Variants in GTF3A observed in about 807,000 individuals in gnomAD.
GTF3A encodes the protein general transcription factor IIIA.
Under a neutral mutation model 37.6 loss-of-function variants are expected in GTF3A, and 40 were observed. The observed-to-expected ratio is 1.06, with a 90% CI of 0.83 to 1.38. The LOEUF (loss-of-function observed/expected upper bound fraction) is 1.38. Ranked by LOEUF, GTF3A falls within the 40% of genes most tolerant of loss-of-function variation. The pLI is 0.00. For synonymous variants in GTF3A, 191 were observed against 166.7 expected (o/e 1.15, Z -1.12); for missense variants, 500 against 462.6 (o/e 1.08, Z -0.74).
chr13:27,425,224 G>T, intron 1 of GTF3A: 1 of 398,670 alleles, frequency 2.5e-6, no homozygotes. Flanking sequence ...AGGTTTGAGG[G>T]GGCCCACCGC....
chr13:27,434,634 T>C lies in GTF3A; in HGVS notation c.644-171T>C, dbSNP rs1953692039. ...GTGGCATTTAAGAACTTCAGAGAAT[T>C]GAGACAAACTTCCTAGGTGATAAAA... On this transcript the variant is annotated intron_variant, in intron 6 of 8. Transcript: ENST00000381140. The C allele has an allele frequency of 1.2e-5, 7 of 583,828 alleles. No individual in the cohort carries two copies. In the South Asian group the frequency reaches 1.6e-4, roughly 13 times the overall value. 36.2% of individuals were successfully genotyped at this position (583,828 alleles called of 1,614,324 possible).
In GTF3A at chr13:27,426,990, T is replaced by C. The variant is rs1953609986; in HGVS notation, c.202-102T>C. On this transcript the variant is annotated intron_variant, in intron 1 of 8. Coordinates refer to ENST00000381140, the MANE Select transcript of GTF3A (RefSeq NM_002097.3). ...GCTCTGAGTAGAAACCACCTCTTCA[T>C]AGGAAGCCTGTGGCCTTAACACTAG... The C allele has an allele frequency of 1.5e-5, 10 of 669,680 alleles. No individual in the cohort carries two copies. In the South Asian group the frequency reaches 1.7e-4, roughly 11 times the overall value. The allele number at this position is 669,680 out of a possible 1,614,324, so 41.5% of individuals were successfully genotyped here. A position where few individuals can be genotyped will look rare whatever the true frequency, so the allele number is the denominator to read the frequency against.
rs1285196417 is a variant in GTF3A at position 27,435,471 on chromosome 13, T to C, written c.972T>C (p.His324=). 1.9e-6 allele frequency: 3 copies of C among 1,613,446 alleles called. No homozygotes were observed. The highest frequency in any genetic ancestry group is 2.5e-6 in the Non-Finnish European group (3 of 1,179,602). Residue 324 remains histidine (H), a synonymous_variant, in exon 9 of 9, where the codon CAT becomes CAC. Coordinates refer to ENST00000381140, the MANE Select transcript of GTF3A (RefSeq NM_002097.3). The stretch of plus-strand genomic sequence containing the variant: ...GTGAAAAACGGAGTTTGGCCTCTCA[T>C]CTCAGTGGATATATCCCTCCCAAAA...
Position 27,429,863 on chromosome 13 carries a change from CTTA to C in GTF3A, c.303-6_303-4del. On this transcript the variant is annotated splice_polypyrimidine_tract_variant and splice_region_variant and intron_variant, in intron 2 of 8. Transcript: ENST00000381140. ...ATTAATATTTTGGTTTATATAACTT[CTTA>C]CAGTTGTGCAGCCAATGGCTGTGAT... 2 of 1,493,286 alleles carry C rather than the reference CTTA, an allele frequency of 1.3e-6. No individual in the cohort carries two copies. The highest frequency in any genetic ancestry group is 1.8e-6 in the Non-Finnish European group (2 of 1,116,782). 92.5% of individuals were successfully genotyped at this position (1,493,286 alleles called of 1,614,324 possible).
intron 4 of GTF3A, among the ~76,000 whole-genome samples, chr13:27,431,581 A>C (rs1953656846): frequency 6.7e-6 from 1 of 149,422 alleles, no homozygotes; most frequent in Non-Finnish European, 1.5e-5. Context: ...GCACTAAACT[A>C]TGAGGACAAA....
At chr13:27,429,460 C>T (rs1953638839) in intron 2 of GTF3A, 3 of 153,582 alleles carry the variant, frequency 2.0e-5, no homozygotes, top group African/African-American at 7.2e-5. Flanking sequence ...TAAGCCAAGA[C>T]AAGTTTTATG....
At chr13:27,430,138 C>A (rs979392587) in intron 3 of GTF3A, among the ~76,000 whole-genome samples, 172 bp downstream of exon 3, 17 of 143,098 alleles carry the variant, frequency 1.2e-4, no homozygotes, top group Admixed American at 4.8e-4. Flanking sequence ...AAAAAAAAAA[C>A]AAAAACAGAA....
chr13:27,432,273 G>GT (rs750692862), intron 4 of GTF3A, among the ~76,000 whole-genome samples: 1 of 152,152 alleles, frequency 6.6e-6, no homozygotes, highest in Non-Finnish European at 1.5e-5. Context: ...TGCTGCTGAT[G>GT]GCTTTAGCAC....
intron 8 of GTF3A, 52 bp downstream of exon 8, chr13:27,435,244 G>C (rs1953701322): frequency 6.8e-7 from 1 of 1,464,668 alleles, no homozygotes; most frequent in Admixed American, 2.0e-5. Context: ...AATTGTTTAA[G>C]GCCAGAAGGA....
chr13:27,434,590 G>A, intron 6 of GTF3A: 1 of 570,218 alleles, frequency 1.8e-6, no homozygotes, highest in Non-Finnish European at 3.1e-6. Flanking sequence ...CTGCCTCTTG[G>A]CAAGTGAACA....
rs35654423 is a variant in GTF3A, at chr13:27,433,209, C to CAA, written c.562+420_562+421dup. Among the ~76,000 whole-genome samples the CAA allele has an allele frequency of 3.5e-3, 461 of 130,700 alleles. 1 individual carries two copies. Among genetic ancestry groups the CAA allele is most frequent in the Middle Eastern group, 0.012 (3 of 252 alleles). 85.7% of individuals were successfully genotyped at this position (130,700 alleles called of 152,430 possible). A position where few individuals can be genotyped will look rare whatever the true frequency, so the allele number is the denominator to read the frequency against. ...GAGAGCCATCAGATGTTACGTTTCT[C>CAA]AAAAAAAAAAAAAAAAGACTTGATT... On this transcript the variant is annotated intron_variant, in intron 5 of 8. Coordinates refer to ENST00000381140, the MANE Select transcript of GTF3A (RefSeq NM_002097.3).
chr13:27,434,535 C>A, intron 6 of GTF3A: 1 of 414,916 alleles, frequency 2.4e-6, no homozygotes, highest in Non-Finnish European at 4.4e-6. Context: ...GGACACTGGT[C>A]TGCTTCATTT....
In GTF3A at chr13:27,424,741, G is replaced by A; in HGVS notation, c.4G>A (p.Asp2Asn). The A allele has an allele frequency of 1.4e-6, 2 of 1,463,816 alleles. No homozygotes were observed. Among genetic ancestry groups the A allele is most frequent in the South Asian group, 1.4e-5 (1 of 73,322 alleles). The allele number at this position is 1,463,816 out of a possible 1,614,324, so 90.7% of individuals were successfully genotyped here. A position where few individuals can be genotyped will look rare whatever the true frequency, so the allele number is the denominator to read the frequency against. ...TGGGCTTGGAGGCGCCGGCGCCCTG[G>A]ATCCGCCGGCCGTGGTCGCCGAGTC... Residue 2 changes from aspartate to asparagine, a missense_variant, in exon 1 of 9, where the codon GAT becomes AAT. Asp to Asn is a conservative substitution (Grantham distance 23, BLOSUM62 1). Coordinates refer to ENST00000381140, the MANE Select transcript of GTF3A (RefSeq NM_002097.3).
chr13:27,435,569 C>G lies in GTF3A; in HGVS notation c.1070C>G (p.Ser357Trp), dbSNP rs754577548. 1 of 1,613,426 alleles carries G rather than the reference C, an allele frequency of 6.2e-7. No homozygotes were observed. The highest frequency in any genetic ancestry group is 2.2e-5 in the East Asian group (1 of 44,888). ...AACTGTGTGGAAGACAAGATGCTCT[C>G]GACAGTTGCAGTACTTACCCTTGGC... The change falls in exon 9 of 9, where the codon TCG becomes TGG. Residue 357 changes from serine (S) to tryptophan (W), a missense_variant. Coordinates refer to ENST00000381140, the MANE Select transcript of GTF3A (RefSeq NM_002097.3).
chr13:27,434,209 A>C lies in GTF3A; in HGVS notation c.633A>C (p.Glu211Asp). Residue 211 changes from glutamate to aspartate, a missense_variant, in exon 6 of 9, where the codon GAA (glutamate) becomes GAC (aspartate). Glu to Asp is a conservative substitution (Grantham distance 45). Transcript: ENST00000381140. ...CGGAACTTCTGAAACATGTGAGAGA[A>C]ACCCATAAAGGTAAGGCAGGCATGA... The C allele has an allele frequency of 7.8e-7, 1 of 1,277,300 alleles. No homozygotes were observed. The highest frequency in any genetic ancestry group is 1.1e-6 in the Non-Finnish European group (1 of 872,314). 79.1% of individuals were successfully genotyped at this position (1,277,300 alleles called of 1,614,324 possible).
rs1422324158 is a variant in GTF3A at position 27,435,711 on chromosome 13, A to ATGGTCTT, written c.*117_*123dup. On this transcript the variant is annotated 3_prime_UTR_variant, in exon 9 of 9. Coordinates refer to ENST00000381140, the MANE Select transcript of GTF3A (RefSeq NM_002097.3). Reference sequence around the variant, plus strand: ...GAACATTTGATTCCTTATCATTTCCATGGTCTTTGTTCAAAGTGTCTCTTT... The same window carrying ATGGTCTT: ...GAACATTTGATTCCTTATCATTTCCATGGTCTTTGGTCTTTGTTCAAAGTGTCTCTTT... 7.4e-6 allele frequency: 12 copies of ATGGTCTT among 1,613,988 alleles called. No individual in the cohort carries two copies. The highest frequency in any genetic ancestry group is 1.0e-5 in the Non-Finnish European group (12 of 1,180,002).
At chr13:27,427,484 A>G (rs1953615846) in intron 2 of GTF3A, among the ~76,000 whole-genome samples, 1 of 152,144 alleles carries the variant, frequency 6.6e-6, no homozygotes, top group African/African-American at 2.4e-5. Flanking sequence ...GGCTGAGCTA[A>G]CATAAAATGC....
rs1247505113 is a variant in GTF3A, at chr13:27,427,308, T to G, written c.302+116T>G. 24 of 665,474 alleles carry G rather than the reference T, an allele frequency of 3.6e-5. No homozygotes were observed. In the East Asian group the frequency reaches 6.6e-4, roughly 18 times the overall value. 41.2% of individuals were successfully genotyped at this position (665,474 alleles called of 1,614,324 possible). On this transcript the variant is annotated intron_variant, in intron 2 of 8. Transcript: ENST00000381140. ...GAATGTGAAGCCTGGCAGGGCTCGG[T>G]GGCTCATGCCTGTAATCCCAGCACT...
rs527273024 is a variant in GTF3A at position 27,428,031 on chromosome 13, T to C, written c.302+839T>C. On this transcript the variant is annotated intron_variant, in intron 2 of 8. Transcript: ENST00000381140. ...GCTCATGCCTGTAATCCCAGCACTT[T>C]GAGAGGCTGAGGTGGGAGGATTGCT... is the stretch of plus-strand genomic sequence containing the variant. Among the ~76,000 whole-genome samples the C allele has an allele frequency of 3.6e-4, 55 of 152,288 alleles. 2 individuals carry two copies. Among genetic ancestry groups the C allele is most frequent in the Middle Eastern group, 6.8e-3 (2 of 294 alleles).
Sources: gnomAD v4.1 joint callset for allele counts (sites outside exome capture counted in the v4.1 genomes callset) on GRCh38, gnomAD v4.1.1 for gene constraint, MANE v1.5 for transcripts, NCBI Gene and HGNC (gene_info 2026-07-23, HGNC 2026-07-21) for gene names.